The following SRP9 variants were observed in gnomAD, a reference collection of about 807,000 sequenced individuals.
SRP9 encodes signal recognition particle 9 kDa protein.
In SRP9, 2 loss-of-function variants were observed where a neutral mutation model predicts 11.7. The observed-to-expected ratio is 0.17, with a 90% CI of 0.07 to 0.54. The LOEUF is 0.54. SRP9 is among the 20% of genes least tolerant of loss of function. The pLI is 0.94. For missense variants in SRP9, 54 were observed against 108.1 expected, an observed-to-expected ratio of 0.50 and a Z score of 2.22; for synonymous variants, 27 against 35.6, an observed-to-expected ratio of 0.76 and a Z score of 0.86.
At chr1:225,781,869 T>C (rs544826864) in intron 1 of SRP9, among the ~76,000 whole-genome samples, 17 of 152,202 alleles carry the variant, frequency 1.1e-4, no homozygotes, top group Non-Finnish European at 2.2e-4. Context: ...ATAAATAGAA[T>C]CAGGTATTCT....
Position 225,777,868 on chromosome 1 carries a change from T to C in SRP9, c.-73T>C, listed in dbSNP as rs1575949642. 6.2e-6 allele frequency: 9 copies of C among 1,447,480 alleles called. No homozygotes were observed. Among genetic ancestry groups the C allele is most frequent in the South Asian group, 4.7e-5 (4 of 84,622 alleles). 89.7% of individuals were successfully genotyped at this position (1,447,480 alleles called of 1,614,324 possible). On this transcript the variant is annotated 5_prime_UTR_variant, in exon 1 of 3. Coordinates refer to ENST00000304786, the MANE Select transcript of SRP9 (RefSeq NM_003133.6). ...GCTGGGACTCGCGTCGGTTGGCGAC[T>C]CCCGGACGTAGGTAGTTTGTTGGGC... is the stretch of plus-strand genomic sequence containing the variant.
chr1:225,779,510 G>A (rs1271782718), intron 1 of SRP9, among the ~76,000 whole-genome samples: 1 of 152,156 alleles, frequency 6.6e-6, no homozygotes, highest in Non-Finnish European at 1.5e-5. Context: ...TGTTTTAAGT[G>A]TATGCAGTGA....
chr1:225,784,229 C>A (rs1373469592), intron 2 of SRP9, among the ~76,000 whole-genome samples: 1 of 34,458 alleles, frequency 2.9e-5, no homozygotes, highest in Admixed American at 4.6e-4. Flanking sequence ...ATCACCTGTT[C>A]TTTTTTTTTT....
chr1:225,782,232 C>G (rs1354721149), intron 1 of SRP9, among the ~76,000 whole-genome samples: 1 of 151,910 alleles, frequency 6.6e-6, no homozygotes, highest in South Asian at 2.1e-4. Context: ...GGTGCGATCT[C>G]GGCTCACTGC....
At position 225,778,098 on chromosome 1, in the gene SRP9, C is replaced by A. The variant is rs1313687676; in HGVS notation, c.72+86C>A. The A allele has an allele frequency of 4.8e-6, 7 of 1,469,606 alleles. No homozygotes were observed. The Admixed American group carries it at 1.3e-4, about 27-fold the overall frequency. 91.0% of individuals were successfully genotyped at this position (1,469,606 alleles called of 1,614,324 possible). A position where few individuals can be genotyped will look rare whatever the true frequency, so the allele number is the denominator to read the frequency against. On this transcript the variant is annotated intron_variant, in intron 1 of 2. Coordinates refer to ENST00000304786, the MANE Select transcript of SRP9 (RefSeq NM_003133.6). The stretch of plus-strand genomic sequence containing the variant: ...CTCGGCCCCTGGAGCTTCCCCAGCG[C>A]TCCCAGGAGGTGCTGGGAATGAACA...
At position 225,783,584 on chromosome 1, in the gene SRP9, A is replaced by G. The variant is rs1665839718; in HGVS notation, c.141+216A>G. Among the ~76,000 whole-genome samples, 2 of 152,232 alleles carry G rather than the reference A, an allele frequency of 1.3e-5. No individual in the cohort carries two copies. Among genetic ancestry groups the G allele is most frequent in the African/African-American group, 4.8e-5 (2 of 41,466 alleles). On this transcript the variant is annotated intron_variant, in intron 2 of 2. Transcript: ENST00000304786. ...TAATGCATTATGTCAAGTGTCTTTA[A>G]TAAGTGCTGTCTTCAGACCTTAAGC...
At chr1:225,784,242 T>C (rs1219491043) in intron 2 of SRP9, among the ~76,000 whole-genome samples, 2 of 101,520 alleles carry the variant, frequency 2.0e-5, no homozygotes, top group Admixed American at 1.1e-4. Context: ...TTTTTTTTTT[T>C]TTTTTTTTTT....
In SRP9 at chr1:225,784,454, T is replaced by TTGG. The variant is rs1013770575; in HGVS notation, c.141+1087_141+1089dup. On this transcript the variant is annotated intron_variant, in intron 2 of 2. Coordinates refer to ENST00000304786, the MANE Select transcript of SRP9 (RefSeq NM_003133.6). ...TTAGTAGAGACAGGGTTTCACCATG[T>TTGG]TGGCCAGGATGATCTGGATCTCCTG... Among the ~76,000 whole-genome samples, 17 of 150,488 alleles carry TTGG rather than the reference T, an allele frequency of 1.1e-4. 1 individual carries two copies. In the South Asian group the frequency reaches 2.1e-3, roughly 19 times the overall value.
chr1:225,778,536 A>G (rs917064469), intron 1 of SRP9, among the ~76,000 whole-genome samples: 1 of 152,240 alleles, frequency 6.6e-6, no homozygotes, highest in African/African-American at 2.4e-5. Flanking sequence ...TAATATTTGC[A>G]CCTTTCCTCA....
chr1:225,778,079 C>G (rs1046966147), intron 1 of SRP9, 67 bp downstream of exon 1: 3 of 1,567,386 alleles, frequency 1.9e-6, no homozygotes, highest in Admixed American at 1.7e-5. Flanking sequence ...TCCACTCGGC[C>G]CCTGGAGCTT....
At chr1:225,778,187 C>T (rs1316244244) in intron 1 of SRP9, among the ~76,000 whole-genome samples, 175 bp downstream of exon 1, 1 of 152,226 alleles carries the variant, frequency 6.6e-6, no homozygotes, top group Non-Finnish European at 1.5e-5. Flanking sequence ...TCTAGCGGCC[C>T]AGTGAGGCCC....
chr1:225,778,042 G>A (rs546202559), intron 1 of SRP9, 30 bp downstream of exon 1: 2 of 1,613,220 alleles, frequency 1.2e-6, no homozygotes, highest in African/African-American at 1.3e-5. Context: ...GCTGCTTTGG[G>A]CCCCAGCCCA....
Position 225,777,983 on chromosome 1 carries a change from G to A in SRP9, c.43G>A (p.Glu15Lys). The A allele has an allele frequency of 6.2e-7, 1 of 1,614,230 alleles. No individual in the cohort carries two copies. The highest frequency in any genetic ancestry group is 8.5e-7 in the Non-Finnish European group (1 of 1,180,032). Residue 15 changes from glutamate (E) to lysine (K), a missense_variant, in exon 1 of 3, where the codon GAG becomes AAG. Transcript: ENST00000304786. ...QTWEEFSRAA[E>K]KLYLADPMKA... ...CTGGGAGGAGTTCAGCCGCGCTGCC[G>A]AGAAGCTTTACCTCGCTGACCCTAT...
In SRP9 at chr1:225,789,742, G is replaced by C. The variant is rs982657151; in HGVS notation, c.*383G>C. 2 of 185,150 alleles carry C rather than the reference G, an allele frequency of 1.1e-5. No individual in the cohort carries two copies. The highest frequency in any genetic ancestry group is 4.8e-5 in the African/African-American group (2 of 41,760). The allele number at this position is 185,150 out of a possible 1,614,324, so 11.5% of individuals were successfully genotyped here. A position where few individuals can be genotyped will look rare whatever the true frequency, so the allele number is the denominator to read the frequency against. On this transcript the variant is annotated 3_prime_UTR_variant, in exon 3 of 3. Coordinates refer to ENST00000304786, the MANE Select transcript of SRP9 (RefSeq NM_003133.6). ...AAAGAACATTAAATGTAACCATTTT[G>C]TCAGATCCATGTATTTTGGAGCATA...
chr1:225,790,070 G>A lies in SRP9; in HGVS notation c.*711G>A, dbSNP rs1315718236. On this transcript the variant is annotated 3_prime_UTR_variant, in exon 3 of 3. Coordinates refer to ENST00000304786, the MANE Select transcript of SRP9 (RefSeq NM_003133.6). Reference sequence around the variant, plus strand: ...GGAATGATGATCACTGTGCTATAATGTACTGAAACCACCATATTACAGAAA... The same window carrying A: ...GGAATGATGATCACTGTGCTATAATATACTGAAACCACCATATTACAGAAA... The A allele has an allele frequency of 2.6e-5, 4 of 152,162 alleles. No homozygotes were observed. The highest frequency in any genetic ancestry group is 6.5e-5 in the Admixed American group (1 of 15,274). The allele number at this position is 152,162 out of a possible 1,614,324, so 9.4% of individuals were successfully genotyped here.
Position 225,789,829 on chromosome 1 carries a change from T to G in SRP9, c.*470T>G, listed in dbSNP as rs768789753. On this transcript the variant is annotated 3_prime_UTR_variant, in exon 3 of 3. Coordinates refer to ENST00000304786, the MANE Select transcript of SRP9 (RefSeq NM_003133.6). Reference sequence around the variant, plus strand: ...GGTAATTGGAATTAACTCCACACCATAGTATGCATTGTTATACATACTGTG... The same window carrying G: ...GGTAATTGGAATTAACTCCACACCAGAGTATGCATTGTTATACATACTGTG... The G allele has an allele frequency of 6.1e-6, 1 of 162,892 alleles. No individual in the cohort carries two copies. Among genetic ancestry groups the G allele is most frequent in the Non-Finnish European group, 1.4e-5 (1 of 73,928 alleles). The allele number at this position is 162,892 out of a possible 1,614,324, so 10.1% of individuals were successfully genotyped here. A position where few individuals can be genotyped will look rare whatever the true frequency, so the allele number is the denominator to read the frequency against.
At chr1:225,784,016 GC>G (rs1159328741) in intron 2 of SRP9, among the ~76,000 whole-genome samples, 1 of 149,612 alleles carries the variant, frequency 6.7e-6, no homozygotes, top group Non-Finnish European at 1.5e-5. Context: ...TTTTTGATGT[GC>G]CCCATATATA....
At position 225,777,915 on chromosome 1, in the gene SRP9, T is replaced by C. The variant is rs1292514335; in HGVS notation, c.-26T>C. On this transcript the variant is annotated 5_prime_UTR_variant, in exon 1 of 3. Transcript: ENST00000304786. The stretch of plus-strand genomic sequence containing the variant: ...GGGCCGGGTTCTGAGGCCTTGCTTC[T>C]CTTTACTTTTCCACTCTAGGCCACG... The C allele has an allele frequency of 1.2e-6, 2 of 1,608,556 alleles. No homozygotes were observed. Among genetic ancestry groups the C allele is most frequent in the Admixed American group, 1.7e-5 (1 of 59,628 alleles).
intron 1 of SRP9, among the ~76,000 whole-genome samples, chr1:225,779,116 G>A (rs1037436891): frequency 1.3e-5 from 2 of 151,810 alleles, no homozygotes; most frequent in Non-Finnish European, 2.9e-5. Context: ...TCGGAAAACC[G>A]GGGCTCAGGA....
Sources: allele counts gnomAD v4.1 joint callset (sites outside exome capture counted in the v4.1 genomes callset), GRCh38; gene constraint gnomAD v4.1.1; transcripts MANE v1.5; gene names NCBI Gene and HGNC (gene_info 2026-07-23, HGNC 2026-07-21).